The following EYS variants were observed in gnomAD, a reference collection of about 807,000 sequenced individuals.
The protein encoded by EYS is protein eyes shut homolog.
In EYS, 250 loss-of-function variants were observed where a neutral mutation model predicts 282.1. The observed-to-expected ratio is 0.89, with a 90% confidence interval of 0.80 to 0.98. The LOEUF is 0.98. Ranked by LOEUF, EYS falls within the 50% of genes least tolerant of loss-of-function variation. The pLI is 0.00. For synonymous variants in EYS, 1,355 were observed against 1,282.9 expected, an observed-to-expected ratio of 1.06 and a Z score of -1.20; for missense variants, 4,016 against 3,709.0, an observed-to-expected ratio of 1.08 and a Z score of -2.15.
At chr6:65,020,628 G>A (rs1259244221) in intron 13 of EYS, among the ~76,000 whole-genome samples, 1 of 152,198 alleles carries the variant, frequency 6.6e-6, no homozygotes, top group Non-Finnish European at 1.5e-5. Context: ...CTGGAGGACT[G>A]TGGCTCTCTT....
chr6:65,200,573 G>A (rs137880503), intron 12 of EYS, among the ~76,000 whole-genome samples: 1 of 151,710 alleles, frequency 6.6e-6, no homozygotes, highest in Non-Finnish European at 1.5e-5. Context: ...TAAACTAAGA[G>A]GAAGGTGATT....
chr6:64,292,334 T>C (rs2150366250), intron 30 of EYS, among the ~76,000 whole-genome samples: 1 of 152,254 alleles, frequency 6.6e-6, no homozygotes, highest in African/African-American at 2.4e-5. Context: ...GATTGTGAAA[T>C]ACATTTGATA....
At chr6:65,618,818 C>T (rs1173658099) in intron 2 of EYS, among the ~76,000 whole-genome samples, 1 of 152,086 alleles carries the variant, frequency 6.6e-6, no homozygotes, top group Non-Finnish European at 1.5e-5. Flanking sequence ...GAATCCTTTC[C>T]CCATTGCTTG....
intron 33 of EYS, among the ~76,000 whole-genome samples, chr6:64,053,128 C>CT (rs1342346917): frequency 1.3e-5 from 2 of 151,842 alleles, no homozygotes; most frequent in Admixed American, 6.6e-5. Flanking sequence ...TTTCTACCCC[C>CT]TTTTTTTGAA....
At chr6:64,513,833 C>G (rs191571288) in intron 26 of EYS, among the ~76,000 whole-genome samples, 4 of 151,868 alleles carry the variant, frequency 2.6e-5, no homozygotes, top group Admixed American at 2.6e-4. Context: ...GCGGCCCAAT[C>G]TTGTGGAACT....
chr6:65,461,227 G>T (rs1052212292), intron 5 of EYS, among the ~76,000 whole-genome samples: 2 of 152,018 alleles, frequency 1.3e-5, no homozygotes, highest in African/African-American at 4.8e-5. Context: ...AAAGCCCAAT[G>T]GTGCCAAACA....
intron 2 of EYS, among the ~76,000 whole-genome samples, chr6:65,499,921 C>T (rs1046393878): frequency 6.6e-6 from 1 of 151,788 alleles, no homozygotes; most frequent in South Asian, 2.1e-4. Flanking sequence ...TTGATTATGA[C>T]AATGATCCTG....
chr6:63,958,292 C>A lies in EYS; in HGVS notation c.7055+26091G>T, dbSNP rs1287062450. Reference sequence around the variant, plus strand: ...GAACAGATATATACTCTACAAGTGACAAAAGAGAAAAAATAATATAAATAC... The same window carrying A: ...GAACAGATATATACTCTACAAGTGAAAAAAGAGAAAAAATAATATAAATAC... On this transcript the variant is annotated intron_variant, in intron 35 of 42. Transcript: ENST00000503581. 2.2e-5 allele frequency among the ~76,000 whole-genome samples: 3 copies of A among 139,192 alleles called. 1 individual carries two copies. The East Asian group carries it at 6.1e-4, about 29-fold the overall frequency. The allele number at this position is 139,192 out of a possible 152,430, so 91.3% of individuals were successfully genotyped here.
intron 12 of EYS, among the ~76,000 whole-genome samples, chr6:65,071,270 G>A (rs1356111497): frequency 5.9e-5 from 9 of 151,784 alleles, no homozygotes. Context: ...ACTCTAGAGA[G>A]CAAGAAAGTT....
chr6:64,856,755 T>C (rs1766074819), intron 19 of EYS, among the ~76,000 whole-genome samples: 1 of 152,200 alleles, frequency 6.6e-6, no homozygotes, highest in African/African-American at 2.4e-5. Flanking sequence ...AACAGAAGCT[T>C]TAAACTTATA....
At chr6:65,359,728 CCT>C (rs979545142) in intron 8 of EYS, among the ~76,000 whole-genome samples, 3 of 151,856 alleles carry the variant, frequency 2.0e-5, no homozygotes, top group Admixed American at 6.6e-5. Context: ...GAAAACCTCA[CCT>C]CTCTCTCTTT....
intron 28 of EYS, 148 bp from the exon 29 acceptor site, chr6:64,388,988 A>T: frequency 1.8e-6 from 1 of 555,348 alleles, no homozygotes. Flanking sequence ...ATCTGTTATA[A>T]ATTAGAATCC....
At chr6:64,324,877 A>G (rs1487449144) in intron 29 of EYS, among the ~76,000 whole-genome samples, 3 of 152,206 alleles carry the variant, frequency 2.0e-5, no homozygotes, top group African/African-American at 7.2e-5. Flanking sequence ...AACCACAAAG[A>G]AAATGAAATA....
At chr6:63,821,807 A>T (rs1236576066) in intron 36 of EYS, 1 of 152,258 alleles carries the variant, frequency 6.6e-6, no homozygotes, top group Non-Finnish European at 1.5e-5. Flanking sequence ...TGGAATGGAT[A>T]TGCCTTTTCT....
intron 2 of EYS, among the ~76,000 whole-genome samples, chr6:65,595,493 C>T (rs1217548942): frequency 6.6e-6 from 1 of 151,730 alleles, no homozygotes; most frequent in East Asian, 1.9e-4. Flanking sequence ...ATCCATCATT[C>T]ACATAACCTT....
At chr6:65,432,490 A>G (rs1456024582) in intron 5 of EYS, among the ~76,000 whole-genome samples, 1 of 152,136 alleles carries the variant, frequency 6.6e-6, no homozygotes, top group East Asian at 1.9e-4. Context: ...TTGCTCAGGT[A>G]TGGGTATAGG....
rs531860628 is a variant in EYS, at chr6:65,267,478, A to G, written c.2023+28385T>C. ...ATTGCCTGCAGGAGTGTTACACAGA[A>G]GTCCAACCAGTGTTTTCCATGGGGT... On this transcript the variant is annotated intron_variant, in intron 12 of 42. Coordinates refer to ENST00000503581, the MANE Select transcript of EYS (RefSeq NM_001142800.2). Among the ~76,000 whole-genome samples, 16 of 152,132 alleles carry G rather than the reference A, an allele frequency of 1.1e-4. No homozygotes were observed. The South Asian group carries it at 3.1e-3, about 30-fold the overall frequency.
At chr6:64,691,336 C>T (rs563136843) in intron 22 of EYS, among the ~76,000 whole-genome samples, 11 of 152,104 alleles carry the variant, frequency 7.2e-5, no homozygotes, top group East Asian at 1.9e-4. Flanking sequence ...AATAGAAATG[C>T]GTCTATACAC....
intron 29 of EYS, among the ~76,000 whole-genome samples, chr6:64,382,410 A>T (rs929338395): frequency 3.3e-5 from 5 of 152,108 alleles, no homozygotes; most frequent in Non-Finnish European, 7.4e-5. Flanking sequence ...TTATCTTGTT[A>T]TTCTCCCCTA....
Sources: allele counts gnomAD v4.1 joint callset (sites outside exome capture counted in the v4.1 genomes callset), GRCh38; gene constraint gnomAD v4.1.1; transcripts MANE v1.5; gene names NCBI Gene and HGNC (gene_info 2026-07-23, HGNC 2026-07-21).